The following DNAAF1 variants were observed in gnomAD, a reference collection of about 807,000 sequenced individuals.
DNAAF1 encodes dynein assembly factor 1, axonemal.
A neutral mutation model predicts 71.1 loss-of-function variants in DNAAF1; 65 were observed. The observed-to-expected ratio is 0.91, with a 90% CI of 0.75 to 1.12. The LOEUF is 1.12. Ranked by LOEUF, DNAAF1 falls within the 50% of genes most tolerant of loss-of-function variation. The pLI, the probability that DNAAF1 is intolerant of heterozygous loss-of-function variation, is 0.00. For missense variants in DNAAF1, 1,178 were observed against 899.8 expected, an observed-to-expected ratio of 1.31 and a Z score of -3.96; for synonymous variants, 414 against 354.6, an observed-to-expected ratio of 1.17 and a Z score of -1.88.
chr16:84,146,305 T>C (rs11865463), intron 1 of DNAAF1, among the ~76,000 whole-genome samples: 1,925 of 152,288 alleles, frequency 0.013, 35 homozygotes, highest in African/African-American at 0.041. Context: ...GCAAGACATC[T>C]TGATTGAATT....
At chr16:84,163,384 T>C (rs1175998909) in intron 6 of DNAAF1, among the ~76,000 whole-genome samples, 1 of 75,854 alleles carries the variant, frequency 1.3e-5, no homozygotes, top group Admixed American at 1.5e-4. Context: ...TCTCTTTTTC[T>C]TTTTTTTTTT....
At chr16:84,171,273 C>T (rs554447437) in intron 8 of DNAAF1, among the ~76,000 whole-genome samples, 50 of 152,130 alleles carry the variant, frequency 3.3e-4, no homozygotes, top group South Asian at 1.5e-3. Context: ...CCCCCTTCCC[C>T]GCAACCCCCA....
In DNAAF1 at chr16:84,172,168, A is replaced by C. The variant is rs910024163; in HGVS notation, c.1529-92A>C. 4.1e-6 allele frequency: 5 copies of C among 1,234,440 alleles called. No individual in the cohort carries two copies. In the South Asian group the frequency reaches 5.1e-5, roughly 13 times the overall value. 76.5% of individuals were successfully genotyped at this position (1,234,440 alleles called of 1,614,324 possible). A position where few individuals can be genotyped will look rare whatever the true frequency, so the allele number is the denominator to read the frequency against. On this transcript the variant is annotated intron_variant, in intron 8 of 11. Coordinates refer to ENST00000378553, the MANE Select transcript of DNAAF1 (RefSeq NM_178452.6). ...TTGGGATTACAGGCATGAGCCACCG[A>C]GCCCGGCCCTTGGGAGCCCATCTTC... is the stretch of plus-strand genomic sequence containing the variant.
chr16:84,168,975 A>T (rs549197105), intron 7 of DNAAF1, among the ~76,000 whole-genome samples: 1 of 150,858 alleles, frequency 6.6e-6, no homozygotes, highest in South Asian at 2.1e-4. Context: ...GATAGCTGTG[A>T]CCTGTTCCAT....
At chr16:84,146,703 C>T (rs907370864) in intron 1 of DNAAF1, among the ~76,000 whole-genome samples, 4 of 151,866 alleles carry the variant, frequency 2.6e-5, no homozygotes, top group Admixed American at 6.6e-5. Flanking sequence ...CAAGATCACA[C>T]CACTGCACCC....
rs200153820 is a variant in DNAAF1 at position 84,165,960 on chromosome 16, G to A, written c.1030+11G>A. 10 of 1,612,186 alleles carry A rather than the reference G, an allele frequency of 6.2e-6. No homozygotes were observed. The highest frequency in any genetic ancestry group is 1.8e-4 in the Middle Eastern group (1 of 5,624). On this transcript the variant is annotated intron_variant, in intron 7 of 11. Coordinates refer to ENST00000378553, the MANE Select transcript of DNAAF1 (RefSeq NM_178452.6). ...AGAGTCAAGAGAGAGGTATGCGCTC[G>A]GCCGAAGACAACAGCCCCAGAGTTC...
intron 11 of DNAAF1, 79 bp from the exon 12 acceptor site, chr16:84,177,650 G>C: frequency 7.9e-7 from 1 of 1,273,538 alleles, no homozygotes; most frequent in Non-Finnish European, 1.1e-6. Context: ...ATTTGGCCTG[G>C]ACTGAACCCC....
At position 84,149,094 on chromosome 16, in the gene DNAAF1, G is replaced by A. The variant is rs1226288006; in HGVS notation, c.212G>A (p.Gly71Asp). ...QQKQSGDNGS[G>D]GHFAHPREDR... ...AAACAGAGTGGTGATAATGGGTCAG[G>A]TGGTCACTTCGCACACCCAAGAGAA... is the stretch of plus-strand genomic sequence containing the variant. Residue 71 changes from glycine to aspartate, a missense_variant, in exon 2 of 12, where the codon GGT (glycine) becomes GAT (aspartate). Coordinates refer to ENST00000378553, the MANE Select transcript of DNAAF1 (RefSeq NM_178452.6). 6.2e-7 allele frequency: 1 copy of A among 1,614,134 alleles called. No homozygotes were observed. Among genetic ancestry groups the A allele is most frequent in the Admixed American group, 1.7e-5 (1 of 60,014 alleles).
chr16:84,154,004 A>G (rs1175657240), intron 3 of DNAAF1, among the ~76,000 whole-genome samples: 6 of 151,954 alleles, frequency 3.9e-5, no homozygotes, highest in Non-Finnish European at 5.9e-5. Flanking sequence ...AAGTGTGGCC[A>G]CCCCCGAATG....
At chr16:84,155,075 A>AT (rs1202221007) in intron 4 of DNAAF1, among the ~76,000 whole-genome samples, 2 of 151,874 alleles carry the variant, frequency 1.3e-5, no homozygotes, top group African/African-American at 4.8e-5. Context: ...CACCTGGCTA[A>AT]TTTTTTGTAT....
intron 2 of DNAAF1, among the ~76,000 whole-genome samples, chr16:84,149,558 G>A (rs1296352055): frequency 3.3e-5 from 5 of 151,648 alleles, no homozygotes; most frequent in East Asian, 3.9e-4. Context: ...GGGCGTAGTG[G>A]CGGGCACCTG....
At chr16:84,148,202 A>G (rs1029453572) in intron 1 of DNAAF1, among the ~76,000 whole-genome samples, 2 of 152,162 alleles carry the variant, frequency 1.3e-5, no homozygotes, top group Admixed American at 1.3e-4. Context: ...ACTTCTCTAT[A>G]CATGTATGCC....
intron 6 of DNAAF1, 133 bp downstream of exon 6, chr16:84,159,929 G>A: frequency 9.9e-7 from 1 of 1,005,914 alleles, no homozygotes; most frequent in Non-Finnish European, 1.5e-6. Context: ...AGGCTTGATG[G>A]CTACATAATT....
chr16:84,149,257 T>C (rs919620622), intron 2 of DNAAF1, 115 bp downstream of exon 2: 10 of 1,344,500 alleles, frequency 7.4e-6, no homozygotes, highest in South Asian at 7.2e-5. Flanking sequence ...GCCTGCCCAA[T>C]GTCTGAGAAT....
At chr16:84,176,568 C>G in intron 11 of DNAAF1, 1 of 547,466 alleles carries the variant, frequency 1.8e-6, no homozygotes, top group Non-Finnish European at 3.3e-6. Flanking sequence ...GGTCACAATC[C>G]CCCTGTGGTC....
chr16:84,158,755 A>G, intron 5 of DNAAF1: 1 of 152,120 alleles, frequency 6.6e-6, no homozygotes, highest in Non-Finnish European at 1.5e-5. Context: ...TCTGAGATGG[A>G]GTCTCGCTTA....
chr16:84,147,315 C>G (rs1041418284), intron 1 of DNAAF1, among the ~76,000 whole-genome samples: 3 of 152,130 alleles, frequency 2.0e-5, no homozygotes, highest in Non-Finnish European at 4.4e-5. Flanking sequence ...GAACCAGTCC[C>G]CACACGCACA....
chr16:84,163,437 G>T (rs1035232181), intron 6 of DNAAF1, among the ~76,000 whole-genome samples: 1 of 150,082 alleles, frequency 6.7e-6, no homozygotes, highest in African/African-American at 2.5e-5. Flanking sequence ...CAGGAGTGCA[G>T]TGGTGAGATC....
Position 84,172,417 on chromosome 16 carries a change from C to T in DNAAF1, c.1644+42C>T, listed in dbSNP as rs771124272. On this transcript the variant is annotated intron_variant, in intron 9 of 11. Coordinates refer to ENST00000378553, the MANE Select transcript of DNAAF1 (RefSeq NM_178452.6). ...ATCTTGGAGATAAGTATCAGTTTTA[C>T]TGTTAGTAAAATAGGTAATCAGATG... The T allele has an allele frequency of 5.0e-6, 8 of 1,607,104 alleles. No individual in the cohort carries two copies. In the East Asian group the frequency reaches 1.3e-4, roughly 27 times the overall value.
Sources: allele counts gnomAD v4.1 joint callset (sites outside exome capture counted in the v4.1 genomes callset), GRCh38; gene constraint gnomAD v4.1.1; transcripts MANE v1.5; gene names NCBI Gene and HGNC (gene_info 2026-07-23, HGNC 2026-07-21).